Variants in KCNV1 observed in about 807,000 individuals in gnomAD.
KCNV1 encodes potassium voltage-gated channel modifier subfamily V member 1, also known as potassium voltage-gated channel subfamily V member 1.
In KCNV1, 2 loss-of-function variants were observed where a neutral mutation model predicts 36.4. The observed-to-expected ratio is 0.05, with a 90% confidence interval of 0.02 to 0.17. The LOEUF (loss-of-function observed/expected upper bound fraction) is 0.17. Among genes scored for constraint, KCNV1 ranks in the 10% least tolerant of loss-of-function variants. KCNV1 has a pLI of 1.00. For missense variants in KCNV1, 321 were observed against 643.6 expected (o/e 0.50, Z 5.42); for synonymous variants, 280 against 261.1 (o/e 1.07, Z -0.70).
At position 109,968,379 on chromosome 8, in the gene KCNV1, T is replaced by G. The variant is rs780641862; in HGVS notation, c.1212A>C (p.Thr404=). 1.2e-6 allele frequency: 2 copies of G among 1,614,226 alleles called. No individual in the cohort carries two copies. Among genetic ancestry groups the G allele is most frequent in the Non-Finnish European group, 1.7e-6 (2 of 1,180,046 alleles). Residue 404 remains threonine (T), a synonymous_variant, in exon 4 of 4, where the codon ACA becomes ACC. Transcript: ENST00000524391. This position sits in a 1 kb window ranked among gnomAD's most constrained non-coding sequence, Gnocchi z 5.3. ...GYGDIRPDTT[T]GKIVAFMCIL... ...TACACATGAAGGCCACGATTTTGCC[T>G]GTGGTGGTGTCTGGTCTAATGTCCC...
rs150858365 is a variant in KCNV1, at chr8:109,970,730, G to T, written c.991+1528C>A. Among the ~76,000 whole-genome samples the T allele has an allele frequency of 3.8e-3, 571 of 152,256 alleles. 5 individuals carry two copies. The highest frequency in any genetic ancestry group is 7.5e-3 in the Admixed American group (114 of 15,282). On this transcript the variant is annotated intron_variant, in intron 3 of 3. Coordinates refer to ENST00000524391, the MANE Select transcript of KCNV1 (RefSeq NM_014379.4). Reference sequence around the variant, plus strand: ...TTACTAAAACTTTATACTTGTTTTAGAATGGTGAAAATCTTTGAAGAGGAG... The same window carrying T: ...TTACTAAAACTTTATACTTGTTTTATAATGGTGAAAATCTTTGAAGAGGAG...
At position 109,968,686 on chromosome 8, in the gene KCNV1, A is replaced by T. The variant is rs1036371726; in HGVS notation, c.992-87T>A. 46 of 1,361,826 alleles carry T rather than the reference A, an allele frequency of 3.4e-5. No homozygotes were observed. The highest frequency in any genetic ancestry group is 4.4e-5 in the Non-Finnish European group (44 of 997,890). 84.4% of individuals were successfully genotyped at this position (1,361,826 alleles called of 1,614,324 possible). ...CTCCCCTCTCCCTCCTTGCTCTGCC[A>T]CCCACAAACTGCACTGCACACTTAA... On this transcript the variant is annotated intron_variant, in intron 3 of 3. Transcript: ENST00000524391. This position sits in a 1 kb window ranked among gnomAD's most constrained non-coding sequence, Gnocchi z 5.3.
chr8:109,969,560 T>C (rs1409330493), intron 3 of KCNV1, among the ~76,000 whole-genome samples: 2 of 152,148 alleles, frequency 1.3e-5, no homozygotes, highest in East Asian at 1.9e-4. Flanking sequence ...TAAGAGCCCA[T>C]TATGGGCCGG....
intron 3 of KCNV1, among the ~76,000 whole-genome samples, chr8:109,971,763 A>T (rs1375891859): frequency 6.6e-6 from 1 of 151,898 alleles, no homozygotes; most frequent in Non-Finnish European, 1.5e-5. Flanking sequence ...GCACCTAGTC[A>T]TTTCTCTTTC....
Position 109,974,585 on chromosome 8 carries a change from C to T in KCNV1, c.-197G>A, listed in dbSNP as rs1820057609. 3 of 587,946 alleles carry T rather than the reference C, an allele frequency of 5.1e-6. No individual in the cohort carries two copies. Among genetic ancestry groups the T allele is most frequent in the African/African-American group, 3.7e-5 (2 of 53,584 alleles). The allele number at this position is 587,946 out of a possible 1,614,324, so 36.4% of individuals were successfully genotyped here. A position where few individuals can be genotyped will look rare whatever the true frequency, so the allele number is the denominator to read the frequency against. ...TCCTGCCGCTAGGGAGCCGGGAGTGCGCGGAAGCAGCGCACAAGTGGCAGA... is the reference window on the plus strand; with the variant it reads ...TCCTGCCGCTAGGGAGCCGGGAGTGTGCGGAAGCAGCGCACAAGTGGCAGA... On this transcript the variant is annotated 5_prime_UTR_variant, in exon 2 of 4. Coordinates refer to ENST00000524391, the MANE Select transcript of KCNV1 (RefSeq NM_014379.4). This position sits in a 1 kb window ranked among gnomAD's most constrained non-coding sequence, Gnocchi z 6.2.
At position 109,972,352 on chromosome 8, in the gene KCNV1, C is replaced by T. The variant is rs149785439; in HGVS notation, c.897G>A (p.Gln299=). 1.1e-4 allele frequency: 170 copies of T among 1,614,208 alleles called. No homozygotes were observed. The African/African-American group carries it at 2.1e-3, about 20-fold the overall frequency. ...CCACGTTCTCCAGCTCCTGCGTGGT[C>T]TGGCTCCCACTTAGGCTCTCTACCA... ...TLLVESLSGS[Q]TTQELENVGR... is the part of the protein sequence containing the mutation. The change falls in exon 3 of 4, where the codon CAG becomes CAA. Residue 299 remains glutamine (Q), a synonymous_variant. Transcript: ENST00000524391. This position sits in a 1 kb window ranked among gnomAD's most constrained non-coding sequence, Gnocchi z 5.2.
chr8:109,973,886 G>T (rs765915209), intron 2 of KCNV1, 42 bp downstream of exon 2: 2 of 1,472,598 alleles, frequency 1.4e-6, no homozygotes, highest in Non-Finnish European at 1.8e-6. Context: ...TTTCTCTGCC[G>T]CGCCCGCCTC....
In KCNV1 at chr8:109,972,637, T is replaced by C. The variant is rs775861047; in HGVS notation, c.612A>G (p.Gly204=). 3 of 1,614,054 alleles carry C rather than the reference T, an allele frequency of 1.9e-6. No homozygotes were observed. Among genetic ancestry groups the C allele is most frequent in the African/African-American group, 1.3e-5 (1 of 74,926 alleles). The stretch of plus-strand genomic sequence containing the variant: ...CAAAGATACGGGCAGCTGTGGAAGA[T>C]CCAGGTTTCTCCAGGATATTCCAGA... ...QKLWNILEKP[G]SSTAARIFGV... Residue 204 remains glycine (G), a synonymous_variant, in exon 3 of 4, where the codon GGA becomes GGG. Coordinates refer to ENST00000524391, the MANE Select transcript of KCNV1 (RefSeq NM_014379.4). The surrounding 1 kb of genome is among the most constrained non-coding windows in gnomAD (Gnocchi z 5.2).
intron 3 of KCNV1, among the ~76,000 whole-genome samples, chr8:109,970,703 G>T (rs1238470689): frequency 6.6e-6 from 1 of 152,070 alleles, no homozygotes; most frequent in East Asian, 1.9e-4. Context: ...ATAATTAAGG[G>T]TTTACTAAAA....
Position 109,971,957 on chromosome 8 carries a change from C to T in KCNV1, c.991+301G>A, listed in dbSNP as rs543647547. 3.3e-5 allele frequency among the ~76,000 whole-genome samples: 5 copies of T among 152,216 alleles called. No individual in the cohort carries two copies. The South Asian group carries it at 1.0e-3, about 32-fold the overall frequency. On this transcript the variant is annotated intron_variant, in intron 3 of 3. Transcript: ENST00000524391. ...TCCAGAACCTTGAATAGGCAGAGTGCGTTTAATTTTTGTATATCTTCTGGG... is the reference window on the plus strand; with the variant it reads ...TCCAGAACCTTGAATAGGCAGAGTGTGTTTAATTTTTGTATATCTTCTGGG...
chr8:109,966,789 C>T lies in KCNV1; in HGVS notation c.*1299G>A, dbSNP rs1219339119. On this transcript the variant is annotated 3_prime_UTR_variant, in exon 4 of 4. Coordinates refer to ENST00000524391, the MANE Select transcript of KCNV1 (RefSeq NM_014379.4). ...TTCTAGGCTTTTTTCCCTAACATCT[C>T]ACCCCCATGAAATGTTAATACCACA... 6.6e-6 allele frequency: 1 copy of T among 152,158 alleles called. No individual in the cohort carries two copies. Among genetic ancestry groups the T allele is most frequent in the East Asian group, 1.9e-4 (1 of 5,190 alleles). 9.4% of individuals were successfully genotyped at this position (152,158 alleles called of 1,614,324 possible).
In KCNV1 at chr8:109,968,031, C is replaced by T; in HGVS notation, c.*57G>A. 1.3e-6 allele frequency: 2 copies of T among 1,512,058 alleles called. No individual in the cohort carries two copies. Among genetic ancestry groups the T allele is most frequent in the Non-Finnish European group, 9.0e-7 (1 of 1,116,254 alleles). 93.7% of individuals were successfully genotyped at this position (1,512,058 alleles called of 1,614,324 possible). On this transcript the variant is annotated 3_prime_UTR_variant, in exon 4 of 4. Transcript: ENST00000524391. This position sits in a 1 kb window ranked among gnomAD's most constrained non-coding sequence, Gnocchi z 5.3. ...CATCAGAATACAGAAATCCACATCA[C>T]TGCTTTATCATTTTAGTTAATTGTA...
In KCNV1 at chr8:109,972,508, A is replaced by G; in HGVS notation, c.741T>C (p.Tyr247=). ...CCCCGGTGAACCAGCTAATGCACAC[A>G]TACTCCAGGATTTCCAGCAGCTGCA... ...LDLQLLEILE[Y]VCISWFTGEF... is the part of the protein sequence containing the mutation. Residue 247 remains tyrosine (Y), a synonymous_variant, in exon 3 of 4, where the codon TAT becomes TAC. Coordinates refer to ENST00000524391, the MANE Select transcript of KCNV1 (RefSeq NM_014379.4). This position sits in a 1 kb window ranked among gnomAD's most constrained non-coding sequence, Gnocchi z 5.2. The G allele has an allele frequency of 1.2e-6, 2 of 1,614,176 alleles. No homozygotes were observed. Among genetic ancestry groups the G allele is most frequent in the Non-Finnish European group, 1.7e-6 (2 of 1,180,040 alleles).
rs990912607 is a variant in KCNV1, at chr8:109,966,072, T to A, written c.*2016A>T. ...TAGTCCCCAGAACACCAAAGATCCTTAATAAATATTTGTTGAGTTAATAAA... is the reference window on the plus strand; with the variant it reads ...TAGTCCCCAGAACACCAAAGATCCTAAATAAATATTTGTTGAGTTAATAAA... On this transcript the variant is annotated 3_prime_UTR_variant, in exon 4 of 4. Transcript: ENST00000524391. 6.6e-6 allele frequency: 1 copy of A among 152,224 alleles called. No individual in the cohort carries two copies. The highest frequency in any genetic ancestry group is 2.4e-5 in the African/African-American group (1 of 41,462). 9.4% of individuals were successfully genotyped at this position (152,224 alleles called of 1,614,324 possible).
Position 109,965,892 on chromosome 8 carries a change from G to C in KCNV1, c.*2196C>G, listed in dbSNP as rs1304909273. On this transcript the variant is annotated 3_prime_UTR_variant, in exon 4 of 4. Transcript: ENST00000524391. ...GTCGTTTTCCGGGTCAGGCAGATTG[G>C]TATTCAGCGCTGGCTCTGCCATCTA... The C allele has an allele frequency of 6.6e-6, 1 of 152,170 alleles. No individual in the cohort carries two copies. The highest frequency in any genetic ancestry group is 1.5e-5 in the Non-Finnish European group (1 of 68,030). The allele number at this position is 152,170 out of a possible 1,614,324, so 9.4% of individuals were successfully genotyped here.
chr8:109,973,457 G>A lies in KCNV1; in HGVS notation c.461+471C>T, dbSNP rs1464137197. On this transcript the variant is annotated intron_variant, in intron 2 of 3. Transcript: ENST00000524391. ...CATGAAGAAATGGTAGTAATAGCAA[G>A]GTAACCTCAGAGTTCCACAATCATT... Among the ~76,000 whole-genome samples the A allele has an allele frequency of 2.6e-5, 4 of 152,140 alleles. No individual in the cohort carries two copies. In the South Asian group the frequency reaches 6.2e-4, roughly 24 times the overall value.
In KCNV1 at chr8:109,965,306, A is replaced by G. The variant is rs1346282812; in HGVS notation, c.*2782T>C. The stretch of plus-strand genomic sequence containing the variant: ...TATTTTATATTTTAAAAAATTAAAT[A>G]TTGTTTTATAACAATAATTCTTAGA... On this transcript the variant is annotated 3_prime_UTR_variant, in exon 4 of 4. Coordinates refer to ENST00000524391, the MANE Select transcript of KCNV1 (RefSeq NM_014379.4). The G allele has an allele frequency of 6.6e-6, 1 of 152,214 alleles. No individual in the cohort carries two copies. Among genetic ancestry groups the G allele is most frequent in the Non-Finnish European group, 1.5e-5 (1 of 68,038 alleles). 9.4% of individuals were successfully genotyped at this position (152,214 alleles called of 1,614,324 possible).
chr8:109,971,301 A>C (rs376479227), intron 3 of KCNV1, among the ~76,000 whole-genome samples: 1 of 152,122 alleles, frequency 6.6e-6, no homozygotes, highest in South Asian at 2.1e-4. Flanking sequence ...CCCGATCTCA[A>C]GCTTTCTGGG....
At position 109,968,611 on chromosome 8, in the gene KCNV1, C is replaced by T; in HGVS notation, c.992-12G>A. ...AAGGGAGCGTAATCCTGCAACAGAA[C>T]AAATGCTGTCAGTCATTGGCATCCC... On this transcript the variant is annotated splice_polypyrimidine_tract_variant and intron_variant, in intron 3 of 3. Coordinates refer to ENST00000524391, the MANE Select transcript of KCNV1 (RefSeq NM_014379.4). This position sits in a 1 kb window ranked among gnomAD's most constrained non-coding sequence, Gnocchi z 5.3. 2 of 1,563,496 alleles carry T rather than the reference C, an allele frequency of 1.3e-6. No homozygotes were observed. Among genetic ancestry groups the T allele is most frequent in the East Asian group, 2.3e-5 (1 of 44,178 alleles).
Sources: allele counts gnomAD v4.1 joint callset (sites outside exome capture counted in the v4.1 genomes callset), GRCh38; gene constraint gnomAD v4.1.1; non-coding constraint Gnocchi (gnomAD v3.1); transcripts MANE v1.5; gene names NCBI Gene and HGNC (gene_info 2026-07-23, HGNC 2026-07-21).